The following AHRR variants were observed in gnomAD, a reference collection of about 807,000 sequenced individuals.
The protein encoded by AHRR is aryl hydrocarbon receptor repressor.
AHRR carries 28 observed loss-of-function variants against 44.0 expected under a neutral mutation model. The ratio of observed to expected loss-of-function variants is 0.64; its 90% CI spans 0.47 to 0.87. AHRR has a LOEUF of 0.87. AHRR is among the 40% of genes least tolerant of loss of function. AHRR has a pLI of 0.00. For synonymous variants in AHRR, 434 were observed against 407.0 expected, an observed-to-expected ratio of 1.07 and a Z score of -0.80; for missense variants, 990 against 953.9, an observed-to-expected ratio of 1.04 and a Z score of -0.50.
In AHRR at chr5:411,947, G is replaced by A. The variant is rs1029754444; in HGVS notation, c.352-1397G>A. On this transcript the variant is annotated intron_variant, in intron 4 of 10. Transcript: ENST00000684583. The surrounding 1 kb of genome is among the most constrained non-coding windows in gnomAD (Gnocchi z 4.2). ...AGCCTGTGCTTGCTCAGCGTCAGTG[G>A]CCATTGCTGCCATGGACAGATCCTG... is the stretch of plus-strand genomic sequence containing the variant. Among the ~76,000 whole-genome samples, 6 of 152,348 alleles carry A rather than the reference G, an allele frequency of 3.9e-5. No homozygotes were observed. The highest frequency in any genetic ancestry group is 1.2e-4 in the African/African-American group (5 of 41,576).
At chr5:378,011 G>A (rs146185740) in intron 4 of AHRR, among the ~76,000 whole-genome samples, 1 of 152,324 alleles carries the variant, frequency 6.6e-6, no homozygotes, top group Non-Finnish European at 1.5e-5. Context: ...AGTTCCCGAA[G>A]TCTCAGTCCA....
intron 8 of AHRR, chr5:432,191 A>G (rs572481213): frequency 3.6e-5 from 15 of 416,982 alleles, no homozygotes; most frequent in Middle Eastern, 6.9e-4. Flanking sequence ...AAATCATCCT[A>G]TGATTTTATC....
chr5:398,120 G>GT (rs1734834488), intron 4 of AHRR, among the ~76,000 whole-genome samples: 23 of 109,942 alleles, frequency 2.1e-4, no homozygotes, highest in African/African-American at 6.9e-4. Context: ...GACCATCCAC[G>GT]TAGCTCCTGA....
intron 6 of AHRR, among the ~76,000 whole-genome samples, chr5:423,365 C>T (rs1243510373): frequency 6.6e-6 from 1 of 152,170 alleles, no homozygotes; most frequent in East Asian, 1.9e-4. Context: ...GTGTGGAGCT[C>T]CTTGACAGGC....
At chr5:391,386 AGGAG>A (rs1734432526) in intron 4 of AHRR, among the ~76,000 whole-genome samples, 5 of 108,236 alleles carry the variant, frequency 4.6e-5, no homozygotes, top group African/African-American at 1.7e-4. Context: ...GCGCAGGGCG[AGGAG>A]GGCGCAGGGC....
chr5:402,307 T>A lies in AHRR; in HGVS notation c.352-11037T>A, dbSNP rs1315373136. 2.0e-5 allele frequency among the ~76,000 whole-genome samples: 3 copies of A among 151,814 alleles called. No individual in the cohort carries two copies. In the South Asian group the frequency reaches 6.2e-4, roughly 32 times the overall value. ...TGGAAGGCAGTCGTTGATGAGGGTG[T>A]GGAGAGAAGGGGACCCTCGTGCACT... On this transcript the variant is annotated intron_variant, in intron 4 of 10. Transcript: ENST00000684583.
chr5:403,695 T>A (rs72711359), intron 4 of AHRR: 200,290 of 792,476 alleles, frequency 0.25, 30,341 homozygotes, highest in Non-Finnish European at 0.3. Context: ...TTTTTTTTTT[T>A]ACTTTCTCTC....
rs538946719 is a variant in AHRR, at chr5:353,857, C to A, written c.190C>A (p.Leu64Ile). 6.2e-7 allele frequency: 1 copy of A among 1,614,146 alleles called. No individual in the cohort carries two copies. The highest frequency in any genetic ancestry group is 8.5e-7 in the Non-Finnish European group (1 of 1,180,006). Reference protein sequence around the residue: ...PPDIISKLDKLSVLRLSVSYL... With the variant: ...PPDIISKLDKISVLRLSVSYL... ...TGACATCATCTCCAAGCTGGACAAG[C>A]TTTCTGTCCTGCGCCTCAGTGTCAG... is the stretch of plus-strand genomic sequence containing the variant. Residue 64 changes from leucine (L) to isoleucine (I), a missense_variant, in exon 3 of 11, where the codon CTT becomes ATT. Transcript: ENST00000684583.
At chr5:422,566 TG>T in intron 5 of AHRR, 162 bp from the exon 6 acceptor site, 1 of 891,116 alleles carries the variant, frequency 1.1e-6, no homozygotes, top group Non-Finnish European at 1.7e-6. Context: ...CAGGAGGGAG[TG>T]GGGAACCGGG....
In AHRR at chr5:395,918, T is replaced by C. The variant is rs551802214; in HGVS notation, c.352-17426T>C. 6.6e-6 allele frequency among the ~76,000 whole-genome samples: 1 copy of C among 152,216 alleles called. No individual in the cohort carries two copies. Among genetic ancestry groups the C allele is most frequent in the South Asian group, 2.1e-4 (1 of 4,820 alleles). On this transcript the variant is annotated intron_variant, in intron 4 of 10. Transcript: ENST00000684583. The surrounding 1 kb of genome is among the most constrained non-coding windows in gnomAD (Gnocchi z 5.3). The stretch of plus-strand genomic sequence containing the variant: ...CCTCCATGCAGTGATGTTGCCTGGC[T>C]CTAAGGGGCTCCTGGTACGAGGATT...
Position 434,649 on chromosome 5 carries a change from C to T in AHRR, c.1909C>T (p.Arg637Trp), listed in dbSNP as rs1050526137. 2.5e-5 allele frequency: 39 copies of T among 1,563,664 alleles called. No individual in the cohort carries two copies. Among genetic ancestry groups the T allele is most frequent in the African/African-American group, 5.4e-5 (4 of 73,706 alleles). Residue 637 changes from arginine (R) to tryptophan (W), a missense_variant, in exon 11 of 11, where the codon CGG (arginine) becomes TGG (tryptophan). By Grantham distance (101) the Arg-to-Trp change is moderately radical (BLOSUM62 -3). Coordinates refer to ENST00000684583, the MANE Select transcript of AHRR (RefSeq NM_001377236.1). ...GGAGCCTCCCCACCAGCTCTGTGCA[C>T]GGGGCCGAGGTGAACAGTCCTGCAC... ...QSEPPHQLCA[R>W]GRGEQSCTCR...
chr5:403,518 C>T (rs767036770), intron 4 of AHRR, among the ~76,000 whole-genome samples: 1 of 151,976 alleles, frequency 6.6e-6, no homozygotes, highest in African/African-American at 2.4e-5. Flanking sequence ...TGCCTGTAAT[C>T]CCAGCTACTC....
intron 5 of AHRR, among the ~76,000 whole-genome samples, chr5:416,852 TC>T (rs1415147424): frequency 6.6e-6 from 1 of 152,222 alleles, no homozygotes; most frequent in Non-Finnish European, 1.5e-5. Flanking sequence ...TTCGGCTTGG[TC>T]TTTTTGTGCA....
intron 4 of AHRR, among the ~76,000 whole-genome samples, chr5:399,970 C>T (rs964227757): frequency 3.3e-5 from 5 of 152,266 alleles, no homozygotes; most frequent in South Asian, 2.1e-4. Context: ...CTGCCTCGCA[C>T]GCACGCAAGC....
Position 395,400 on chromosome 5 carries a change from G to A in AHRR, c.352-17944G>A, listed in dbSNP as rs906063474. Among the ~76,000 whole-genome samples, 3 of 152,202 alleles carry A rather than the reference G, an allele frequency of 2.0e-5. No individual in the cohort carries two copies. Among genetic ancestry groups the A allele is most frequent in the African/African-American group, 7.2e-5 (3 of 41,444 alleles). ...GAGAGGACAAGGTGGCAAACAGGAA[G>A]GGCAGCTGACTCACCAGCCCAGAGC... is the stretch of plus-strand genomic sequence containing the variant. On this transcript the variant is annotated intron_variant, in intron 4 of 10. Transcript: ENST00000684583. The surrounding 1 kb of genome is among the most constrained non-coding windows in gnomAD (Gnocchi z 5.3).
intron 2 of AHRR, among the ~76,000 whole-genome samples, chr5:351,200 C>T (rs965415073): frequency 6.6e-6 from 1 of 152,134 alleles, no homozygotes; most frequent in African/African-American, 2.4e-5. Flanking sequence ...TTTGGTGGTG[C>T]CCCAGAAAAT....
intron 1 of AHRR, among the ~76,000 whole-genome samples, chr5:329,625 A>G (rs1219733682): frequency 1.3e-5 from 2 of 152,232 alleles, no homozygotes; most frequent in South Asian, 2.1e-4. Context: ...CTTCTGATCT[A>G]TGAACATGGA....
rs1741709656 is a variant in AHRR, at chr5:326,308, C to T, written c.-11+4489C>T. Among the ~76,000 whole-genome samples, 1 of 152,222 alleles carries T rather than the reference C, an allele frequency of 6.6e-6. No homozygotes were observed. The highest frequency in any genetic ancestry group is 1.5e-5 in the Non-Finnish European group (1 of 68,044). Reference sequence around the variant, plus strand: ...CACGAACCTTTTTATCTGAGTTTGCCTACTCAGGATATATCATGCAATGGG... The same window carrying T: ...CACGAACCTTTTTATCTGAGTTTGCTTACTCAGGATATATCATGCAATGGG... On this transcript the variant is annotated intron_variant, in intron 1 of 10. Transcript: ENST00000684583. The surrounding 1 kb of genome is among the most constrained non-coding windows in gnomAD (Gnocchi z 4.1).
chr5:432,076 C>T (rs1228874948), intron 8 of AHRR: 1 of 254,454 alleles, frequency 3.9e-6, no homozygotes, highest in African/African-American at 2.3e-5. Flanking sequence ...GTGAGTTGGT[C>T]TCCAACTCAC....
Sources: gnomAD v4.1 joint callset for allele counts (sites outside exome capture counted in the v4.1 genomes callset) on GRCh38, gnomAD v4.1.1 for gene constraint, Gnocchi (gnomAD v3.1) non-coding constraint, MANE v1.5 for transcripts, NCBI Gene and HGNC (gene_info 2026-07-23, HGNC 2026-07-21) for gene names.